Variants in CNTN5 observed in about 807,000 individuals in gnomAD.
CNTN5 encodes the protein contactin-5.
A neutral mutation model predicts 129.1 loss-of-function variants in CNTN5; 77 were observed. That is an observed-to-expected ratio of 0.60 (90% confidence interval 0.50 to 0.72). CNTN5 has a LOEUF of 0.72. Ranked by LOEUF, CNTN5 falls within the 30% of genes least tolerant of loss-of-function variation. The probability of loss-of-function intolerance (pLI) is 0.00; values close to 1 mark genes in which losing one functional copy is unlikely to be tolerated. For synonymous variants in CNTN5, 509 were observed against 465.6 expected, an observed-to-expected ratio of 1.09 and a Z score of -1.20; for missense variants, 1,478 against 1,328.8, an observed-to-expected ratio of 1.11 and a Z score of -1.75.
intron 13 of CNTN5, among the ~76,000 whole-genome samples, chr11:100,120,302 C>T (rs1013969637): frequency 5.3e-5 from 8 of 151,984 alleles, no homozygotes; most frequent in African/African-American, 9.7e-5. Flanking sequence ...ATCCAATTTA[C>T]ACCACCATTA....
intron 2 of CNTN5, among the ~76,000 whole-genome samples, chr11:99,430,451 A>T (rs1315048746): frequency 6.7e-6 from 1 of 149,688 alleles, no homozygotes; most frequent in African/African-American, 2.4e-5. Context: ...ATATATTTAT[A>T]AGGCCTTTAT....
intron 6 of CNTN5, among the ~76,000 whole-genome samples, chr11:99,878,880 A>T (rs77187162): frequency 0.032 from 4,935 of 152,134 alleles, 238 homozygotes; most frequent in African/African-American, 0.1. Context: ...AATTTTTTTT[A>T]AAAAAAGATG....
chr11:99,076,170 C>A (rs901643045), intron 1 of CNTN5, among the ~76,000 whole-genome samples: 1 of 151,590 alleles, frequency 6.6e-6, no homozygotes, highest in African/African-American at 2.4e-5. Flanking sequence ...CCTGTCTCCA[C>A]TGAAAAAAAA....
intron 2 of CNTN5, among the ~76,000 whole-genome samples, chr11:99,374,528 A>C (rs1362181778): frequency 1.3e-5 from 2 of 151,934 alleles, no homozygotes; most frequent in Non-Finnish European, 2.9e-5. Context: ...CAAAAATACA[A>C]AAAAAATTAG....
chr11:100,278,315 A>T (rs1950560650), intron 18 of CNTN5, among the ~76,000 whole-genome samples: 1 of 151,968 alleles, frequency 6.6e-6, no homozygotes, highest in Non-Finnish European at 1.5e-5. Context: ...ATCTGATATA[A>T]ACTTAAGAAT....
At chr11:99,261,743 T>C (rs1009477568) in intron 1 of CNTN5, among the ~76,000 whole-genome samples, 1 of 152,042 alleles carries the variant, frequency 6.6e-6, no homozygotes, top group African/African-American at 2.4e-5. Flanking sequence ...GATAGGTGTA[T>C]TTGAATTTGA....
At chr11:99,608,675 A>G (rs1591355152) in intron 3 of CNTN5, among the ~76,000 whole-genome samples, 1 of 152,248 alleles carries the variant, frequency 6.6e-6, no homozygotes, top group East Asian at 1.9e-4. Context: ...AGCCTCCAGA[A>G]CTGTGAGATG....
In CNTN5 at chr11:99,341,402, G is replaced by A. The variant is rs139202947; in HGVS notation, c.-71+15918G>A. Reference sequence around the variant, plus strand: ...TATTATTTCAATAATTTCATAGTATGCCTTTTTGAAGCATTAAAACTTAGA... The same window carrying A: ...TATTATTTCAATAATTTCATAGTATACCTTTTTGAAGCATTAAAACTTAGA... On this transcript the variant is annotated intron_variant, in intron 2 of 24. Transcript: ENST00000524871. 6.7e-4 allele frequency among the ~76,000 whole-genome samples: 102 copies of A among 152,132 alleles called. No homozygotes were observed. The East Asian group carries it at 0.018, about 27-fold the overall frequency.
At chr11:100,078,135 T>G (rs576102604) in intron 13 of CNTN5, among the ~76,000 whole-genome samples, 1 of 152,276 alleles carries the variant, frequency 6.6e-6, no homozygotes, top group African/African-American at 2.4e-5. Context: ...TTTGGCTCAT[T>G]TTTTTCTACC....
intron 3 of CNTN5, among the ~76,000 whole-genome samples, chr11:99,686,350 GTTTATT>G (rs969789758): frequency 1.9e-4 from 29 of 151,980 alleles, no homozygotes; most frequent in Admixed American, 3.9e-4. Flanking sequence ...TCTAAAATAA[GTTTATT>G]TTTATTTTGA....
chr11:99,399,039 G>C (rs1591626453), intron 2 of CNTN5, among the ~76,000 whole-genome samples: 1 of 151,480 alleles, frequency 6.6e-6, no homozygotes, highest in African/African-American at 2.4e-5. Context: ...TCTTACTTCT[G>C]TTATGGTTAC....
chr11:99,646,141 G>T (rs1951950970), intron 3 of CNTN5, among the ~76,000 whole-genome samples: 1 of 152,104 alleles, frequency 6.6e-6, no homozygotes, highest in Non-Finnish European at 1.5e-5. Context: ...GTTATTTGCA[G>T]TCGAAAACAT....
Position 99,639,559 on chromosome 11 carries a change from G to GTTTTTTTTTT in CNTN5, c.55+83304_55+83313dup, listed in dbSNP as rs71050010. ...TTAACAGCACCCAAGTCACCTTTAT[G>GTTTTTTTTTT]TTTTTTTTTTTTTTTTTTTTTTTGA... On this transcript the variant is annotated intron_variant, in intron 3 of 24. Coordinates refer to ENST00000524871, the MANE Select transcript of CNTN5 (RefSeq NM_014361.4). Among the ~76,000 whole-genome samples, 14 of 70,316 alleles carry GTTTTTTTTTT rather than the reference G, an allele frequency of 2.0e-4. 1 individual carries two copies. The highest frequency in any genetic ancestry group is 3.9e-4 in the East Asian group (1 of 2,556). 46.1% of individuals were successfully genotyped at this position (70,316 alleles called of 152,430 possible). A position where few individuals can be genotyped will look rare whatever the true frequency, so the allele number is the denominator to read the frequency against.
At chr11:99,639,587 C>T (rs763403172) in intron 3 of CNTN5, among the ~76,000 whole-genome samples, 224 of 27,048 alleles carry the variant, frequency 8.3e-3, no homozygotes, top group Middle Eastern at 0.1. Flanking sequence ...TTTTTTGAGA[C>T]GGAGTTTTAT....
intron 6 of CNTN5, 132 bp from the exon 7 acceptor site, chr11:99,915,922 C>A (rs911919761): frequency 1.5e-6 from 1 of 662,514 alleles, no homozygotes; most frequent in South Asian, 1.8e-5. Flanking sequence ...TATGTTAAAG[C>A]CTTCTTGTCA....
intron 1 of CNTN5, among the ~76,000 whole-genome samples, chr11:99,099,504 G>GT (rs1866621805): frequency 6.6e-6 from 1 of 151,824 alleles, no homozygotes; most frequent in Non-Finnish European, 1.5e-5. Context: ...TAGTCACACT[G>GT]TGTCACCCCA....
chr11:99,784,801 T>G (rs1382037346), intron 3 of CNTN5, among the ~76,000 whole-genome samples: 1 of 146,186 alleles, frequency 6.8e-6, no homozygotes, highest in Non-Finnish European at 1.5e-5. Context: ...TTGTGTTTTT[T>G]TTTTTTTTTT....
intron 7 of CNTN5, among the ~76,000 whole-genome samples, chr11:99,917,707 G>T (rs1048862979): frequency 2.6e-5 from 4 of 152,056 alleles, no homozygotes; most frequent in Admixed American, 1.3e-4. Flanking sequence ...AAGTGAAATG[G>T]AAGAGGATAA....
intron 2 of CNTN5, among the ~76,000 whole-genome samples, chr11:99,401,733 G>T (rs1275063325): frequency 1.3e-5 from 2 of 152,122 alleles, no homozygotes; most frequent in Non-Finnish European, 2.9e-5. Flanking sequence ...TATTTCCGTT[G>T]TGGGGTGTCC....
Sources: gnomAD v4.1 joint callset for allele counts (sites outside exome capture counted in the v4.1 genomes callset) on GRCh38, gnomAD v4.1.1 for gene constraint, MANE v1.5 for transcripts, NCBI Gene and HGNC (gene_info 2026-07-23, HGNC 2026-07-21) for gene names.